The following LRRC4C variants were observed in gnomAD, a reference collection of about 807,000 sequenced individuals.
The protein encoded by LRRC4C is leucine rich repeat containing 4C.
Under a neutral mutation model 33.6 loss-of-function variants are expected in LRRC4C, and 5 were observed. The ratio of observed to expected loss-of-function variants is 0.15; its 90% CI spans 0.08 to 0.31. The LOEUF (loss-of-function observed/expected upper bound fraction) is 0.31, where lower values mean the gene tolerates loss of function less well. Among genes scored for constraint, LRRC4C ranks in the 10% least tolerant of loss-of-function variants. LRRC4C has a pLI of 1.00. For synonymous variants in LRRC4C, 329 were observed against 302.0 expected, an observed-to-expected ratio of 1.09 and a Z score of -0.93; for missense variants, 560 against 796.7, an observed-to-expected ratio of 0.70 and a Z score of 3.58.
At position 40,892,877 on chromosome 11, in the gene LRRC4C, A is replaced by C. The variant is rs73472692; in HGVS notation, c.-407+40758T>G. 2.0e-5 allele frequency among the ~76,000 whole-genome samples: 3 copies of C among 152,146 alleles called. No homozygotes were observed. In the East Asian group the frequency reaches 5.8e-4, roughly 29 times the overall value. On this transcript the variant is annotated intron_variant, in intron 2 of 6. Coordinates refer to ENST00000528697, the MANE Select transcript of LRRC4C (RefSeq NM_001258419.2). The stretch of plus-strand genomic sequence containing the variant: ...ACAAGATAGTAGTGGTTGTTACACA[A>C]TATTATAATGTATTTAATGTCACTA...
chr11:40,891,503 T>C (rs1415408610), intron 2 of LRRC4C, among the ~76,000 whole-genome samples: 1 of 152,000 alleles, frequency 6.6e-6, no homozygotes, highest in African/African-American at 2.4e-5. Context: ...AAACTATCCA[T>C]CTAACAAGAG....
chr11:41,048,456 G>A (rs1857958543), intron 1 of LRRC4C, among the ~76,000 whole-genome samples: 1 of 151,732 alleles, frequency 6.6e-6, no homozygotes, highest in Admixed American at 6.6e-5. Flanking sequence ...GTAGAGACGG[G>A]GTTTCACCAT....
chr11:40,393,078 T>C (rs1356882193), intron 3 of LRRC4C, among the ~76,000 whole-genome samples: 2 of 152,200 alleles, frequency 1.3e-5, no homozygotes, highest in Non-Finnish European at 2.9e-5. Context: ...GCAATCTTAC[T>C]AGGGAGCTAA....
chr11:40,343,303 C>A (rs1428708840), intron 3 of LRRC4C, among the ~76,000 whole-genome samples: 1 of 151,916 alleles, frequency 6.6e-6, no homozygotes, highest in Non-Finnish European at 1.5e-5. Flanking sequence ...AATTACTTGA[C>A]ATCTGTATGA....
At position 40,306,848 on chromosome 11, in the gene LRRC4C, C is replaced by T. The variant is rs555960854; in HGVS notation, c.-176+12780G>A. On this transcript the variant is annotated intron_variant, in intron 4 of 6. Transcript: ENST00000528697. ...GTACTGCCATTCACTATTTAATGAT[C>T]TTGGGTAAGATGTGCTATGTAATCT... Among the ~76,000 whole-genome samples the T allele has an allele frequency of 2.6e-5, 4 of 152,144 alleles. No individual in the cohort carries two copies. The South Asian group carries it at 6.2e-4, about 24-fold the overall frequency.
intron 2 of LRRC4C, among the ~76,000 whole-genome samples, chr11:40,663,298 G>C (rs1311951745): frequency 2.0e-5 from 3 of 152,118 alleles, no homozygotes; most frequent in African/African-American, 7.2e-5. Flanking sequence ...GTTCAAGCTG[G>C]TTTCGAACTC....
At chr11:40,281,414 G>T (rs1006127442) in intron 4 of LRRC4C, among the ~76,000 whole-genome samples, 1 of 152,030 alleles carries the variant, frequency 6.6e-6, no homozygotes, top group Non-Finnish European at 1.5e-5. Context: ...GAACAGCTGC[G>T]CCAGGATGAG....
At position 40,200,784 on chromosome 11, in the gene LRRC4C, A is replaced by AAAAAAAAAAAAAAAAG. The variant is rs71060946; in HGVS notation, c.-96+40734_-96+40735insCTTTTTTTTTTTTTTT. On this transcript the variant is annotated intron_variant, in intron 5 of 6. Transcript: ENST00000528697. ...CCATCTCAAAAAAAAAAAAAAAAAA[A>AAAAAAAAAAAAAAAAG]AAAAGAAAAGAAAAGAAAAAAAATT... Among the ~76,000 whole-genome samples, 205 of 78,440 alleles carry AAAAAAAAAAAAAAAAG rather than the reference A, an allele frequency of 2.6e-3. 2 individuals are homozygous for AAAAAAAAAAAAAAAAG. The highest frequency in any genetic ancestry group is 3.2e-3 in the Non-Finnish European group (139 of 43,394). The allele number at this position is 78,440 out of a possible 152,430, so 51.5% of individuals were successfully genotyped here.
At chr11:41,312,775 A>T (rs548308752) in intron 1 of LRRC4C, among the ~76,000 whole-genome samples, 1 of 152,322 alleles carries the variant, frequency 6.6e-6, no homozygotes, top group East Asian at 1.9e-4. Flanking sequence ...TGGGCAGCAG[A>T]GTCTCAAGTA....
chr11:41,355,376 A>G (rs545192404), intron 1 of LRRC4C, among the ~76,000 whole-genome samples: 6 of 152,236 alleles, frequency 3.9e-5, no homozygotes, highest in Non-Finnish European at 7.4e-5. Flanking sequence ...AAACAAACCT[A>G]AAAAATGTGA....
At chr11:41,165,169 C>A (rs564595904) in intron 1 of LRRC4C, among the ~76,000 whole-genome samples, 6 of 152,176 alleles carry the variant, frequency 3.9e-5, no homozygotes, top group Admixed American at 3.3e-4. Flanking sequence ...ATCGCGATGG[C>A]CCCCTGGTCC....
Position 40,406,173 on chromosome 11 carries a change from C to A in LRRC4C, c.-269-86452G>T, listed in dbSNP as rs180849692. On this transcript the variant is annotated intron_variant, in intron 3 of 6. Transcript: ENST00000528697. The stretch of plus-strand genomic sequence containing the variant: ...TTTACTTCTTAGAACATCCACCAGA[C>A]CTTTAAAGTGAATATTTCCTGTATT... Among the ~76,000 whole-genome samples, 160 of 152,156 alleles carry A rather than the reference C, an allele frequency of 1.1e-3. 1 individual carries two copies. The highest frequency in any genetic ancestry group is 3.8e-3 in the African/African-American group (156 of 41,524).
intron 2 of LRRC4C, among the ~76,000 whole-genome samples, chr11:40,780,133 C>T (rs979623754): frequency 6.6e-6 from 1 of 151,938 alleles, no homozygotes; most frequent in African/African-American, 2.4e-5. Context: ...TTAAAAGATA[C>T]ACATCCATCA....
chr11:41,044,274 T>C (rs1050706396), intron 1 of LRRC4C, among the ~76,000 whole-genome samples: 6 of 152,068 alleles, frequency 3.9e-5, no homozygotes, highest in African/African-American at 1.4e-4. Flanking sequence ...GAAGAAGCAA[T>C]ACAAGTGCAT....
At chr11:40,459,421 CAG>C (rs3041991) in intron 3 of LRRC4C, among the ~76,000 whole-genome samples, 53,582 of 151,804 alleles carry the variant, frequency 0.35, 9,913 homozygotes, top group East Asian at 0.52. Flanking sequence ...CCATCTCAGT[CAG>C]AGGGGAAAAA....
intron 1 of LRRC4C, among the ~76,000 whole-genome samples, chr11:41,251,450 G>A (rs527750735): frequency 6.0e-4 from 92 of 152,262 alleles, no homozygotes; most frequent in Admixed American, 1.5e-3. Context: ...TATAAAGTGT[G>A]TGTCCATTGT....
intron 6 of LRRC4C, among the ~76,000 whole-genome samples, chr11:40,121,191 G>A (rs1015496612): frequency 2.0e-5 from 3 of 152,062 alleles, no homozygotes; most frequent in Non-Finnish European, 2.9e-5. Flanking sequence ...ATGATATATT[G>A]CTATTACTTA....
In LRRC4C at chr11:41,437,423, G is replaced by GCACACACACACA. The variant is rs1173350573; in HGVS notation, c.-496+22007_-496+22008insTGTGTGTGTGTG. 1.7e-3 allele frequency among the ~76,000 whole-genome samples: 259 copies of GCACACACACACA among 149,670 alleles called. 3 individuals are homozygous for GCACACACACACA. The highest frequency in any genetic ancestry group is 6.0e-3 in the African/African-American group (242 of 40,404). On this transcript the variant is annotated intron_variant, in intron 1 of 6. Transcript: ENST00000528697. ...CGCACACACACAAACGCGCGCGCGC[G>GCACACACACACA]CGCACACACACACACACACACACCA...
At chr11:41,056,021 A>G (rs565967545) in intron 1 of LRRC4C, among the ~76,000 whole-genome samples, 2 of 152,318 alleles carry the variant, frequency 1.3e-5, no homozygotes, top group African/African-American at 4.8e-5. Flanking sequence ...AGTGTTAGTT[A>G]CATGTACACA....
Sources: allele counts gnomAD v4.1 joint callset (sites outside exome capture counted in the v4.1 genomes callset), GRCh38; gene constraint gnomAD v4.1.1; transcripts MANE v1.5; gene names NCBI Gene and HGNC (gene_info 2026-07-23, HGNC 2026-07-21).